DOP1B: variants seen among roughly 807,000 people sequenced by gnomAD.
DOP1B encodes the protein protein DOP1B.
Under a neutral mutation model 233.5 loss-of-function variants are expected in DOP1B, and 174 were observed. That is an observed-to-expected ratio of 0.75 (90% CI 0.66 to 0.85). The LOEUF (loss-of-function observed/expected upper bound fraction) is 0.85, where lower values mean the gene tolerates loss of function less well. DOP1B is among the 40% of genes least tolerant of loss of function. The probability of loss-of-function intolerance (pLI) is 0.00; values close to 1 mark genes in which losing one functional copy is unlikely to be tolerated. For missense variants in DOP1B, 2,652 were observed against 2,846.6 expected, an observed-to-expected ratio of 0.93 and a Z score of 1.56; for synonymous variants, 1,190 against 1,185.6, an observed-to-expected ratio of 1.00 and a Z score of -0.08.
intron 2 of DOP1B, among the ~76,000 whole-genome samples, chr21:36,178,226 C>T (rs2066053543): frequency 6.6e-6 from 1 of 152,184 alleles, no homozygotes; most frequent in African/African-American, 2.4e-5. Flanking sequence ...CACAGTGGCT[C>T]ACACTTGTAC....
At position 36,277,969 on chromosome 21, in the gene DOP1B, T is replaced by G. The variant is rs1367528685; in HGVS notation, c.5713-6T>G. ...TTTCTGTTTTCTTAGGGCCTTGTTC[T>G]TTTAGGTACTGGCTTCCCTCCTGGA... On this transcript the variant is annotated splice_region_variant and splice_polypyrimidine_tract_variant and intron_variant, in intron 28 of 36. Coordinates refer to ENST00000691173, the MANE Select transcript of DOP1B (RefSeq NM_001320714.2). The G allele has an allele frequency of 6.2e-7, 1 of 1,613,324 alleles. No homozygotes were observed. The highest frequency in any genetic ancestry group is 1.1e-5 in the South Asian group (1 of 91,062).
intron 30 of DOP1B, 65 bp downstream of exon 30, chr21:36,278,420 A>G: frequency 6.6e-7 from 1 of 1,523,078 alleles, no homozygotes; most frequent in South Asian, 1.2e-5. Context: ...ATTTTGGTTT[A>G]CAGAATTCTC....
At chr21:36,211,745 C>A in intron 6 of DOP1B, 94 bp downstream of exon 6, 1 of 1,390,728 alleles carries the variant, frequency 7.2e-7, no homozygotes, top group Non-Finnish European at 1.0e-6. Context: ...GACAGCTCAG[C>A]CACTCATGGG....
chr21:36,227,416 G>GGCA (rs1312219488), intron 12 of DOP1B, among the ~76,000 whole-genome samples: 2 of 150,976 alleles, frequency 1.3e-5, no homozygotes, highest in East Asian at 2.0e-4. Flanking sequence ...GCGTGGTGGT[G>GGCA]GGCACCTGTA....
At chr21:36,233,558 AAGG>A (rs1168732966) in intron 15 of DOP1B, among the ~76,000 whole-genome samples, 1 of 152,192 alleles carries the variant, frequency 6.6e-6, no homozygotes, top group Non-Finnish European at 1.5e-5. Context: ...CTGGGGAAGG[AAGG>A]AGATGATGAG....
At chr21:36,260,994 G>A in intron 24 of DOP1B, 1 of 1,209,952 alleles carries the variant, frequency 8.3e-7, no homozygotes, top group Non-Finnish European at 1.0e-6. Flanking sequence ...AACTTTAAAA[G>A]GCTTGGATTT....
intron 2 of DOP1B, among the ~76,000 whole-genome samples, chr21:36,172,989 G>A (rs892546578): frequency 1.3e-5 from 2 of 151,970 alleles, no homozygotes; most frequent in South Asian, 2.1e-4. Context: ...GCATCGTGGC[G>A]AATGCCTGTA....
Position 36,237,207 on chromosome 21 carries a change from C to T in DOP1B, c.2623-55C>T, listed in dbSNP as rs1226460197. On this transcript the variant is annotated intron_variant, in intron 15 of 36. Coordinates refer to ENST00000691173, the MANE Select transcript of DOP1B (RefSeq NM_001320714.2). ...GGGACTGACTGAGTGAGGATGTGAG[C>T]GGATGTTGCCTGTGTTGACCTGGTC... The T allele has an allele frequency of 1.2e-5, 19 of 1,609,266 alleles. No individual in the cohort carries two copies. The Admixed American group carries it at 2.2e-4, about 18-fold the overall frequency.
In DOP1B at chr21:36,200,341, T is replaced by C; in HGVS notation, c.331T>C (p.Phe111Leu). The change falls in exon 4 of 37, where the codon TTT (phenylalanine) becomes CTT (leucine). Residue 111 changes from phenylalanine to leucine, a missense_variant. Transcript: ENST00000691173. ...CGTTCTTTCTCGAAGCTGCGGGTTATTTCCTCTCCTGGCACACGCGGCGGT... is the reference window on the plus strand; with the variant it reads ...CGTTCTTTCTCGAAGCTGCGGGTTACTTCCTCTCCTGGCACACGCGGCGGT... ...KDLFLYSCGL[F>L]PLLAHAAVSV... 1.3e-6 allele frequency: 2 copies of C among 1,598,536 alleles called. No individual in the cohort carries two copies. Among genetic ancestry groups the C allele is most frequent in the Non-Finnish European group, 1.7e-6 (2 of 1,173,548 alleles).
Position 36,211,569 on chromosome 21 carries a change from C to T in DOP1B, c.698C>T (p.Ala233Val), listed in dbSNP as rs2066498858. Residue 233 changes from alanine to valine, a missense_variant, in exon 6 of 37, where the codon GCC (alanine) becomes GTC (valine). Coordinates refer to ENST00000691173, the MANE Select transcript of DOP1B (RefSeq NM_001320714.2). Reference protein sequence around the residue: ...NHQLTVKSLRASLLDSNVLVQ... With the variant: ...NHQLTVKSLRVSLLDSNVLVQ... ...CGTTTACAGGTGAAGTCTTTGCGTG[C>T]CTCCCTGTTGGACTCAAATGTTCTT... 6.2e-7 allele frequency: 1 copy of T among 1,614,182 alleles called. No homozygotes were observed. The highest frequency in any genetic ancestry group is 1.3e-5 in the African/African-American group (1 of 75,052).
intron 36 of DOP1B, 31 bp downstream of exon 36, chr21:36,292,264 T>A: frequency 6.5e-7 from 1 of 1,535,720 alleles, no homozygotes; most frequent in South Asian, 1.2e-5. Context: ...TTCTTTTTTT[T>A]TTTTTTTGGT....
At chr21:36,227,649 C>T (rs2066708698) in intron 12 of DOP1B, 37 bp from the exon 13 acceptor site, 7 of 1,433,684 alleles carry the variant, frequency 4.9e-6, no homozygotes, top group Non-Finnish European at 6.5e-6. Context: ...GATTGTGAAC[C>T]AACATTGTGG....
chr21:36,257,596 TGATAGATAGATAGATAGATAGATA>T lies in DOP1B; in HGVS notation c.5260-3058_5260-3035del, dbSNP rs34032773. ...AAACATAGGTTGATACGTAGATAGA[TGATAGATAGATAGATAGATAGATA>T]GATAGATAGATAGATAGATAGAAGT... On this transcript the variant is annotated intron_variant, in intron 23 of 36. Transcript: ENST00000691173. 4.7e-5 allele frequency among the ~76,000 whole-genome samples: 7 copies of T among 150,196 alleles called. No individual in the cohort carries two copies. In the East Asian group the frequency reaches 6.0e-4, roughly 13 times the overall value.
In DOP1B at chr21:36,247,636, T is replaced by TG; in HGVS notation, c.4809+8_4809+9insG. The TG allele has an allele frequency of 6.3e-7, 1 of 1,585,132 alleles. No individual in the cohort carries two copies. Among genetic ancestry groups the TG allele is most frequent in the Non-Finnish European group, 8.5e-7 (1 of 1,170,102 alleles). On this transcript the variant is annotated intron_variant, in intron 20 of 36. Transcript: ENST00000691173. Reference sequence around the variant, plus strand: ...GCCAACCAAAACAAAAAGGTAAATTTTTTTTTTTCCTGAGTTCAAGGCAAT... The same window carrying TG: ...GCCAACCAAAACAAAAAGGTAAATTTGTTTTTTTTCCTGAGTTCAAGGCAAT...
rs1377459581 is a variant in DOP1B, at chr21:36,253,826, C to T, written c.5176C>T (p.Leu1726Phe). Residue 1726 changes from leucine to phenylalanine, a missense_variant, in exon 23 of 37, where the codon CTC (leucine) becomes TTC (phenylalanine). Transcript: ENST00000691173. ...QLTLVDLVCA[L>F]STLQTDTLLH... is the part of the protein sequence containing the mutation. Reference sequence around the variant, plus strand: ...AACCCTTGTCGACTTGGTGTGTGCACTCAGCACCCTGCAGACTGACACGCT... The same window carrying T: ...AACCCTTGTCGACTTGGTGTGTGCATTCAGCACCCTGCAGACTGACACGCT... 6.2e-7 allele frequency: 1 copy of T among 1,613,986 alleles called. No homozygotes were observed. Among genetic ancestry groups the T allele is most frequent in the South Asian group, 1.1e-5 (1 of 91,082 alleles).
intron 27 of DOP1B, among the ~76,000 whole-genome samples, chr21:36,271,189 C>T (rs1439845725): frequency 6.7e-6 from 1 of 150,280 alleles, no homozygotes; most frequent in Non-Finnish European, 1.5e-5. Context: ...TGTGTTCATT[C>T]ACCCAGACTC....
At chr21:36,173,309 TC>T (rs2065989870) in intron 2 of DOP1B, among the ~76,000 whole-genome samples, 1 of 152,184 alleles carries the variant, frequency 6.6e-6, no homozygotes, top group Non-Finnish European at 1.5e-5. Flanking sequence ...GAAAACTGGT[TC>T]CCAGAAGGTC....
chr21:36,217,603 C>G (rs561913109), intron 9 of DOP1B, among the ~76,000 whole-genome samples: 53 of 152,326 alleles, frequency 3.5e-4, no homozygotes, highest in African/African-American at 1.3e-3. Context: ...TTGTGCAGCT[C>G]TCGTCATTCT....
chr21:36,159,628 A>G (rs750408407), intron 1 of DOP1B, among the ~76,000 whole-genome samples: 2 of 152,244 alleles, frequency 1.3e-5, no homozygotes, highest in African/African-American at 2.4e-5. Context: ...CACTTTCTTC[A>G]TATGGCCAAC....
Sources: gnomAD v4.1 joint callset for allele counts (sites outside exome capture counted in the v4.1 genomes callset) on GRCh38, gnomAD v4.1.1 for gene constraint, MANE v1.5 for transcripts, NCBI Gene and HGNC (gene_info 2026-07-23, HGNC 2026-07-21) for gene names.